NDUFA7: variants seen among roughly 807,000 people sequenced by gnomAD.
NDUFA7 encodes NADH:ubiquinone oxidoreductase subunit A7.
Under a neutral mutation model 14.2 loss-of-function variants are expected in NDUFA7, and 18 were observed. That is an observed-to-expected ratio of 1.27 (90% confidence interval 0.88 to 1.88). The LOEUF (loss-of-function observed/expected upper bound fraction) is 1.88, where lower values mean the gene tolerates loss of function less well. Among genes scored for constraint, NDUFA7 ranks in the 40% most tolerant of loss-of-function variants. The pLI, the probability that NDUFA7 is intolerant of heterozygous loss-of-function variation, is 0.00. For missense variants in NDUFA7, 172 were observed against 147.3 expected (o/e 1.17, Z -0.87); for synonymous variants, 75 against 62.1 (o/e 1.21, Z -0.98).
Position 8,321,360 on chromosome 19 carries a change from T to C in NDUFA7, c.-2A>G, listed in dbSNP as rs1191025732. 1.3e-6 allele frequency: 2 copies of C among 1,573,414 alleles called. No homozygotes were observed. Among genetic ancestry groups the C allele is most frequent in the Non-Finnish European group, 8.6e-7 (1 of 1,161,648 alleles). ...GATGAGACGGGTGGCGGACGCCATC[T>C]TCCGTCCGCGATACTGAAGGGCGCA... On this transcript the variant is annotated 5_prime_UTR_variant, in exon 1 of 4. Coordinates refer to ENST00000301457, the MANE Select transcript of NDUFA7 (RefSeq NM_005001.5).
chr19:8,321,037 C>T, intron 1 of NDUFA7, 131 bp from the exon 2 acceptor site: 3 of 1,076,520 alleles, frequency 2.8e-6, no homozygotes, highest in South Asian at 1.4e-5. Context: ...CTCGGGGAAA[C>T]GGATGTGGGT....
Position 8,315,959 on chromosome 19 carries a change from G to T in NDUFA7, c.251+537C>A, listed in dbSNP as rs112672417. On this transcript the variant is annotated intron_variant, in intron 3 of 3. Transcript: ENST00000301457. ...CACAAGGTCAGTTCAAGACCAGCCT[G>T]GCCAAGATGGTGAAACCCCGCCTCT... Among the ~76,000 whole-genome samples, 504 of 152,012 alleles carry T rather than the reference G, an allele frequency of 3.3e-3. 1 individual carries two copies. The highest frequency in any genetic ancestry group is 0.011 in the African/African-American group (477 of 41,508).
chr19:8,314,784 G>A (rs918241702), intron 3 of NDUFA7, among the ~76,000 whole-genome samples: 1 of 152,042 alleles, frequency 6.6e-6, no homozygotes, highest in Admixed American at 6.6e-5. Flanking sequence ...GTAGTGGTGG[G>A]CACTTGTAGT....
downstream of NDUFA7, among the ~76,000 whole-genome samples, chr19:8,309,367 G>A (rs1970147206): frequency 6.6e-6 from 1 of 151,968 alleles, no homozygotes; most frequent in South Asian, 2.1e-4. Flanking sequence ...CCAGCTACTA[G>A]GGAGGCTGAG....
At chr19:8,313,263 C>T (rs955228212) in intron 3 of NDUFA7, among the ~76,000 whole-genome samples, 7 of 151,036 alleles carry the variant, frequency 4.6e-5, no homozygotes, top group Non-Finnish European at 2.9e-5. Context: ...CAGAGTCTCA[C>T]TCTGTCACCC....
downstream of NDUFA7, among the ~76,000 whole-genome samples, chr19:8,309,289 A>G (rs1447200185): frequency 3.3e-5 from 5 of 152,056 alleles, no homozygotes; most frequent in Non-Finnish European, 4.4e-5. Flanking sequence ...CCTGGCCAAC[A>G]TAGTAAAACT....
rs1433730769 is a variant in NDUFA7 at position 8,311,364 on chromosome 19, ACT to A, written c.*139_*140del. ...AGATCAGCCTGGGAAACATGGTGAG[ACT>A]CTGTCTCTATTTTTTTATTTTTTAA... On this transcript the variant is annotated 3_prime_UTR_variant, in exon 4 of 4. Transcript: ENST00000301457. The A allele has an allele frequency of 1.1e-5, 7 of 661,658 alleles. No homozygotes were observed. The highest frequency in any genetic ancestry group is 1.9e-5 in the African/African-American group (1 of 53,588). 41.0% of individuals were successfully genotyped at this position (661,658 alleles called of 1,614,324 possible).
chr19:8,309,420 G>A (rs531609988), downstream of NDUFA7, among the ~76,000 whole-genome samples: 22 of 151,842 alleles, frequency 1.4e-4, 1 homozygote, highest in East Asian at 4.1e-3. Flanking sequence ...GTTGCAGTGC[G>A]CCGAGACCAC....
At chr19:8,309,439 A>G (rs1970148358), downstream of NDUFA7, among the ~76,000 whole-genome samples, 1 of 150,588 alleles carries the variant, frequency 6.6e-6, no homozygotes, top group African/African-American at 2.4e-5. Flanking sequence ...ACATCATTGA[A>G]CTCCAGCCTG....
chr19:8,312,013 G>C (rs933478134), intron 3 of NDUFA7, among the ~76,000 whole-genome samples: 11 of 152,262 alleles, frequency 7.2e-5, no homozygotes, highest in African/African-American at 2.7e-4. Flanking sequence ...GACTGGGCAA[G>C]AACTGCATGG....
downstream of NDUFA7, chr19:8,311,250 T>A (rs1970173082): frequency 4.0e-6 from 1 of 249,474 alleles, no homozygotes; most frequent in African/African-American, 2.3e-5. Context: ...AAAATAAAAA[T>A]AAAATCAGGC....
At chr19:8,315,811 T>C (rs1160638335) in intron 3 of NDUFA7, among the ~76,000 whole-genome samples, 2 of 151,990 alleles carry the variant, frequency 1.3e-5, no homozygotes, top group African/African-American at 2.4e-5. Flanking sequence ...AACCCACCCC[T>C]TCAGCCTGGG....
In NDUFA7 at chr19:8,311,483, G is replaced by C; in HGVS notation, c.*22C>G. 7.6e-6 allele frequency: 12 copies of C among 1,568,932 alleles called. No individual in the cohort carries two copies. Among genetic ancestry groups the C allele is most frequent in the Non-Finnish European group, 1.0e-5 (12 of 1,151,888 alleles). On this transcript the variant is annotated 3_prime_UTR_variant, in exon 4 of 4. Transcript: ENST00000301457. ...GGAAATCCAAGGAGGCAAAGTAGTCGGGTGGCCGTGAGGGTGCAGTGTCAC... is the reference window on the plus strand; with the variant it reads ...GGAAATCCAAGGAGGCAAAGTAGTCCGGTGGCCGTGAGGGTGCAGTGTCAC...
intron 3 of NDUFA7, 47 bp downstream of exon 3, chr19:8,316,449 C>G (rs976553559): frequency 1.2e-6 from 2 of 1,601,242 alleles, no homozygotes; most frequent in Non-Finnish European, 1.7e-6. Flanking sequence ...GAGTGGGTTG[C>G]AGGAGGGGGC....
chr19:8,311,700 G>T, intron 3 of NDUFA7, 105 bp from the exon 4 acceptor site: 1 of 852,010 alleles, frequency 1.2e-6, no homozygotes, highest in Non-Finnish European at 1.8e-6. Flanking sequence ...GGGACTTTCT[G>T]GACCTGCAGG....
At chr19:8,315,759 C>T (rs8108103) in intron 3 of NDUFA7, among the ~76,000 whole-genome samples, 17,392 of 152,048 alleles carry the variant, frequency 0.11, 2,033 homozygotes, top group African/African-American at 0.3. Flanking sequence ...TTCCAAGTCT[C>T]TCATTCCACC....
intron 3 of NDUFA7, among the ~76,000 whole-genome samples, chr19:8,313,464 T>C (rs968795394): frequency 4.0e-5 from 6 of 151,868 alleles, no homozygotes; most frequent in Non-Finnish European, 5.9e-5. Context: ...TCTCCTGACC[T>C]GGTGATCCGC....
intron 3 of NDUFA7, among the ~76,000 whole-genome samples, chr19:8,314,317 C>T (rs1008583421): frequency 6.6e-6 from 1 of 151,214 alleles, no homozygotes; most frequent in Non-Finnish European, 1.5e-5. Context: ...GTGAGACTGT[C>T]TCAAAATAAA....
Position 8,316,490 on chromosome 19 carries a change from C to G in NDUFA7, c.251+6G>C. 2 of 1,613,596 alleles carry G rather than the reference C, an allele frequency of 1.2e-6. No homozygotes were observed. The highest frequency in any genetic ancestry group is 1.7e-6 in the Non-Finnish European group (2 of 1,179,802). On this transcript the variant is annotated splice_donor_region_variant and intron_variant, in intron 3 of 3. Coordinates refer to ENST00000301457, the MANE Select transcript of NDUFA7 (RefSeq NM_005001.5). ...GGCTGTGGTGAGCAGCGCTGGAGAT[C>G]CTCACCTCTCTGCTGGCTTGCCTGA...
Sources: allele counts gnomAD v4.1 joint callset (sites outside exome capture counted in the v4.1 genomes callset), GRCh38; gene constraint gnomAD v4.1.1; transcripts MANE v1.5; gene names NCBI Gene and HGNC (gene_info 2026-07-23, HGNC 2026-07-21).